SLC39A11: variants seen among roughly 807,000 people sequenced by gnomAD.
SLC39A11 encodes solute carrier family 39 member 11.
SLC39A11 carries 33 observed loss-of-function variants against 36.1 expected under a neutral mutation model. The observed-to-expected ratio is 0.91, with a 90% CI of 0.69 to 1.22. The LOEUF (loss-of-function observed/expected upper bound fraction) is 1.22. Ranked by LOEUF, SLC39A11 falls within the 50% of genes most tolerant of loss-of-function variation. The probability of loss-of-function intolerance (pLI) is 0.00; values close to 1 mark genes in which losing one functional copy is unlikely to be tolerated. For synonymous variants in SLC39A11, 166 were observed against 170.3 expected (o/e 0.97, Z 0.20); for missense variants, 432 against 430.3 (o/e 1.00, Z -0.03).
chr17:72,760,189 G>A (rs950689318), intron 6 of SLC39A11, among the ~76,000 whole-genome samples: 3 of 152,148 alleles, frequency 2.0e-5, no homozygotes, highest in Non-Finnish European at 4.4e-5. Flanking sequence ...ACCATGCCTG[G>A]CTAATTTTTG....
At chr17:72,924,038 T>G (rs1292586754) in intron 5 of SLC39A11, among the ~76,000 whole-genome samples, 1 of 148,836 alleles carries the variant, frequency 6.7e-6, no homozygotes, top group Non-Finnish European at 1.5e-5. Flanking sequence ...TCCCAGGTAC[T>G]AGGGAAGCTG....
At chr17:72,648,564 G>A (rs1484719749) in intron 9 of SLC39A11, among the ~76,000 whole-genome samples, 3 of 152,094 alleles carry the variant, frequency 2.0e-5, no homozygotes, top group African/African-American at 7.2e-5. Flanking sequence ...CAAGGGACGG[G>A]GGGCAGGTGT....
At chr17:72,928,341 A>G (rs2084177786) in intron 5 of SLC39A11, among the ~76,000 whole-genome samples, 1 of 152,262 alleles carries the variant, frequency 6.6e-6, no homozygotes, top group Admixed American at 6.5e-5. Flanking sequence ...TTCTGTACCA[A>G]AGAAAGAGGA....
chr17:73,069,624 C>G (rs1343376733), intron 3 of SLC39A11, among the ~76,000 whole-genome samples: 1 of 152,234 alleles, frequency 6.6e-6, no homozygotes, highest in East Asian at 1.9e-4. Flanking sequence ...AATATGCAAT[C>G]CAACCGCAGC....
intron 7 of SLC39A11, among the ~76,000 whole-genome samples, chr17:72,720,981 TCTC>T (rs2073639613): frequency 6.6e-6 from 1 of 151,408 alleles, no homozygotes; most frequent in Non-Finnish European, 1.5e-5. Context: ...CCACTTAGCT[TCTC>T]CTCCTGCCTG....
At chr17:73,088,367 C>A (rs556854954) in intron 2 of SLC39A11, among the ~76,000 whole-genome samples, 2 of 152,008 alleles carry the variant, frequency 1.3e-5, no homozygotes, top group South Asian at 4.2e-4. Context: ...GCTAACGAAG[C>A]CTCAATAACT....
rs1268125325 is a variant in SLC39A11 at position 72,927,210 on chromosome 17, C to A, written c.430+20542G>T. On this transcript the variant is annotated intron_variant, in intron 5 of 9. Coordinates refer to ENST00000255559, the MANE Select transcript of SLC39A11 (RefSeq NM_139177.4). The stretch of plus-strand genomic sequence containing the variant: ...TACAGGCGCACACCACCATGCCCAG[C>A]TAACTTTTATTTTTATTTTTGGTAG... Among the ~76,000 whole-genome samples, 5 of 150,698 alleles carry A rather than the reference C, an allele frequency of 3.3e-5. No homozygotes were observed. The East Asian group carries it at 7.8e-4, about 24-fold the overall frequency.
At chr17:72,660,407 A>G (rs920208172) in intron 7 of SLC39A11, among the ~76,000 whole-genome samples, 2 of 152,216 alleles carry the variant, frequency 1.3e-5, no homozygotes, top group Admixed American at 6.5e-5. Flanking sequence ...CCTCATGAGC[A>G]GCTTTCACCA....
At chr17:72,742,266 T>A (rs1329620176) in intron 6 of SLC39A11, among the ~76,000 whole-genome samples, 2 of 152,092 alleles carry the variant, frequency 1.3e-5, no homozygotes, top group Non-Finnish European at 2.9e-5. Flanking sequence ...CAGGGCAGGC[T>A]GCGATGGGTA....
chr17:73,017,234 T>A (rs1258935243), intron 4 of SLC39A11, among the ~76,000 whole-genome samples: 1 of 152,086 alleles, frequency 6.6e-6, no homozygotes, highest in Non-Finnish European at 1.5e-5. Flanking sequence ...TACTATGAAG[T>A]TAAGTAAAAT....
intron 5 of SLC39A11, among the ~76,000 whole-genome samples, chr17:72,909,974 G>T (rs1057040004): frequency 6.6e-6 from 1 of 151,398 alleles, no homozygotes; most frequent in Non-Finnish European, 1.5e-5. Context: ...GGATGGTCTC[G>T]ATCTCCTCAC....
At chr17:72,984,395 A>G (rs964407079) in intron 4 of SLC39A11, among the ~76,000 whole-genome samples, 1 of 150,810 alleles carries the variant, frequency 6.6e-6, no homozygotes, top group Non-Finnish European at 1.5e-5. Flanking sequence ...AAAAAAAAAG[A>G]AAGAAAAGAA....
At chr17:72,667,337 A>T (rs961706629) in intron 7 of SLC39A11, among the ~76,000 whole-genome samples, 1 of 152,078 alleles carries the variant, frequency 6.6e-6, no homozygotes, top group Non-Finnish European at 1.5e-5. Flanking sequence ...TGGCCTGCTG[A>T]CTCTAGGTGC....
intron 6 of SLC39A11, among the ~76,000 whole-genome samples, chr17:72,748,437 T>C (rs2075028279): frequency 6.6e-6 from 1 of 152,196 alleles, no homozygotes; most frequent in Non-Finnish European, 1.5e-5. Context: ...ACTTCCTAAT[T>C]AATGTTGACA....
At chr17:73,019,761 G>A (rs775024313) in intron 4 of SLC39A11, among the ~76,000 whole-genome samples, 5 of 152,070 alleles carry the variant, frequency 3.3e-5, no homozygotes, top group East Asian at 3.8e-4. Flanking sequence ...TGGTAGTCAC[G>A]GACCCAATCA....
intron 5 of SLC39A11, among the ~76,000 whole-genome samples, chr17:72,922,960 C>CCAA (rs1555633578): frequency 4.5e-5 from 2 of 44,072 alleles, no homozygotes; most frequent in East Asian, 1.0e-3. Flanking sequence ...GACTCCTTCT[C>CCAA]AAAAAAAAAA....
intron 4 of SLC39A11, among the ~76,000 whole-genome samples, chr17:73,020,893 G>A (rs1598884896): frequency 6.6e-6 from 1 of 152,034 alleles, no homozygotes; most frequent in African/African-American, 2.4e-5. Flanking sequence ...ATATTGGCCA[G>A]TCTGGTCTCG....
At chr17:73,029,151 C>T (rs1474683133) in intron 4 of SLC39A11, among the ~76,000 whole-genome samples, 1 of 151,008 alleles carries the variant, frequency 6.6e-6, no homozygotes, top group African/African-American at 2.4e-5. Context: ...CTGCATAGTG[C>T]AAATTAGCCA....
At chr17:72,735,548 G>T (rs555720991) in intron 7 of SLC39A11, among the ~76,000 whole-genome samples, 26 of 152,290 alleles carry the variant, frequency 1.7e-4, no homozygotes, top group African/African-American at 6.0e-4. Context: ...TCGCCCTTGA[G>T]CCACTGCACT....
Sources: gnomAD v4.1 joint callset for allele counts (sites outside exome capture counted in the v4.1 genomes callset) on GRCh38, gnomAD v4.1.1 for gene constraint, MANE v1.5 for transcripts, NCBI Gene and HGNC (gene_info 2026-07-23, HGNC 2026-07-21) for gene names.